Variants in FHDC1 observed in about 807,000 individuals in gnomAD.
The protein encoded by FHDC1 is FH2 domain-containing protein 1.
FHDC1 carries 25 observed loss-of-function variants against 52.6 expected under a neutral mutation model. That is an observed-to-expected ratio of 0.48 (90% CI 0.35 to 0.66). FHDC1 has a LOEUF of 0.66. Ranked by LOEUF, FHDC1 falls within the 30% of genes least tolerant of loss-of-function variation. The pLI, the probability that FHDC1 is intolerant of heterozygous loss-of-function variation, is 0.01. For missense variants in FHDC1, 1,459 were observed against 1,452.8 expected (o/e 1.00, Z -0.07); for synonymous variants, 616 against 581.5 (o/e 1.06, Z -0.85).
chr4:152,976,126 G>A lies in FHDC1; in HGVS notation c.2835G>A (p.Val945=). 1 of 1,611,380 alleles carries A rather than the reference G, an allele frequency of 6.2e-7. No homozygotes were observed. Among genetic ancestry groups the A allele is most frequent in the Middle Eastern group, 1.7e-4 (1 of 6,052 alleles). ...TDTVWSRQNS[V]RRASTGAEEQ... ...CTGTGTGGTCACGCCAGAACTCCGT[G>A]CGGAGGGCCTCCACAGGCGCCGAAG... Residue 945 remains valine, a synonymous_variant, in exon 12 of 12, where the codon GTG becomes GTA. Transcript: ENST00000511601.
chr4:152,953,549 G>A lies in FHDC1; in HGVS notation c.549G>A (p.Lys183=), dbSNP rs772187687. Residue 183 remains lysine, a synonymous_variant, in exon 3 of 12, where the codon AAG becomes AAA. Transcript: ENST00000511601. Reference sequence around the variant, plus strand: ...GCATGAACATTGGGATATTTCTTAAGCAATTTAAGAAGTAAGATTTTGCAC... The same window carrying A: ...GCATGAACATTGGGATATTTCTTAAACAATTTAAGAAGTAAGATTTTGCAC... The part of the protein sequence containing the change: ...KRSMNIGIFL[K]QFKKSPRSIV... 1.9e-6 allele frequency: 3 copies of A among 1,611,542 alleles called. No homozygotes were observed. Among genetic ancestry groups the A allele is most frequent in the South Asian group, 2.2e-5 (2 of 91,022 alleles).
the FHDC1 span, chr4:152,927,634 C>T: frequency 6.2e-7 from 1 of 1,603,312 alleles, no homozygotes; most frequent in Non-Finnish European, 8.5e-7. Flanking sequence ...AACAGAAGGA[C>T]AGGAAGCAGC....
chr4:152,972,175 C>T (rs1022208227), intron 10 of FHDC1, among the ~76,000 whole-genome samples: 2 of 152,266 alleles, frequency 1.3e-5, no homozygotes, highest in Non-Finnish European at 2.9e-5. Context: ...CACGGGACTT[C>T]ACCTTGCTTT....
chr4:152,974,662 C>T lies in FHDC1; in HGVS notation c.1384-13C>T. The stretch of plus-strand genomic sequence containing the variant: ...ATGTCTCATGCATCTTCGGGCTTCT[C>T]TCCATCCCTCAGGACAACCACGACC... On this transcript the variant is annotated splice_polypyrimidine_tract_variant and intron_variant, in intron 11 of 11. Coordinates refer to ENST00000511601, the MANE Select transcript of FHDC1 (RefSeq NM_001371116.1). The T allele has an allele frequency of 6.6e-7, 1 of 1,505,890 alleles. No homozygotes were observed. The highest frequency in any genetic ancestry group is 8.9e-7 in the Non-Finnish European group (1 of 1,127,340). The allele number at this position is 1,505,890 out of a possible 1,614,324, so 93.3% of individuals were successfully genotyped here. A position where few individuals can be genotyped will look rare whatever the true frequency, so the allele number is the denominator to read the frequency against.
chr4:152,927,771 T>G, the FHDC1 span: 1 of 1,391,666 alleles, frequency 7.2e-7, no homozygotes, highest in Non-Finnish European at 1.0e-6. Flanking sequence ...GAAGAAGAAC[T>G]GAAAGAACTG....
the FHDC1 span, among the ~76,000 whole-genome samples, chr4:152,924,162 A>G: frequency 6.6e-6 from 1 of 151,588 alleles, no homozygotes; most frequent in Non-Finnish European, 1.5e-5. Context: ...AATTTACAAG[A>G]AAAAAAAACC....
In FHDC1 at chr4:152,976,164, C is replaced by T. The variant is rs1444917660; in HGVS notation, c.2873C>T (p.Pro958Leu). The change falls in exon 12 of 12, where the codon CCG becomes CTG. Residue 958 changes from proline (P) to leucine (L), a missense_variant. Physicochemically the swap from Pro to Leu is moderately conservative, Grantham distance 98. This residue lies in a region of FHDC1 where 939 missense variants were observed against 854.5 expected (regional missense o/e 1.10). Coordinates refer to ENST00000511601, the MANE Select transcript of FHDC1 (RefSeq NM_001371116.1). ...ASTGAEEQRL[P>L]RGSSGSSSTR... ...ACAGGCGCCGAAGAGCAGAGGCTGC[C>T]GCGGGGGAGCAGCGGCTCCAGCAGC... 1.2e-6 allele frequency: 2 copies of T among 1,611,864 alleles called. No homozygotes were observed. Among genetic ancestry groups the T allele is most frequent in the Non-Finnish European group, 1.7e-6 (2 of 1,179,480 alleles).
At chr4:152,920,405 C>A in the FHDC1 span, among the ~76,000 whole-genome samples, 2 of 152,180 alleles carry the variant, frequency 1.3e-5, no homozygotes, top group East Asian at 3.9e-4. Flanking sequence ...TTGTTAAAAA[C>A]CTTGATGCCA....
the FHDC1 span, among the ~76,000 whole-genome samples, chr4:152,927,226 G>T: frequency 3.9e-5 from 6 of 152,244 alleles, no homozygotes; most frequent in African/African-American, 1.4e-4. Context: ...CTAAACGGGA[G>T]GCTCCCAGGC....
At position 152,947,817 on chromosome 4, in the gene FHDC1, A is replaced by G. The variant is rs562974056; in HGVS notation, c.498+4262A>G. ...AGAAAAAGAAGACCACAGAAGAGAG[A>G]GAGAGAGAGAGAGAGAGAAGGGAAG... On this transcript the variant is annotated intron_variant, in intron 2 of 11. Transcript: ENST00000511601. Among the ~76,000 whole-genome samples the G allele has an allele frequency of 2.7e-5, 4 of 148,912 alleles. No homozygotes were observed. In the East Asian group the frequency reaches 7.8e-4, roughly 29 times the overall value.
At chr4:152,964,123 T>C (rs1740380706) in intron 8 of FHDC1, among the ~76,000 whole-genome samples, 1 of 152,130 alleles carries the variant, frequency 6.6e-6, no homozygotes, top group South Asian at 2.1e-4. Flanking sequence ...AGAGTAGTGA[T>C]AACTTACCCC....
chr4:152,968,284 G>GC (rs1296932379), intron 10 of FHDC1, among the ~76,000 whole-genome samples, 187 bp downstream of exon 10: 1 of 151,506 alleles, frequency 6.6e-6, no homozygotes, highest in Non-Finnish European at 1.5e-5. Flanking sequence ...TGTGATCTAA[G>GC]CCTGATATAT....
intron 6 of FHDC1, among the ~76,000 whole-genome samples, chr4:152,962,307 C>A (rs1268484721): frequency 6.6e-6 from 1 of 152,110 alleles, no homozygotes. Context: ...GCGGTTTGTG[C>A]TTTGCAAGTT....
intron 9 of FHDC1, 145 bp downstream of exon 9, chr4:152,965,120 G>T: frequency 2.8e-6 from 2 of 707,430 alleles, no homozygotes; most frequent in Middle Eastern, 4.2e-4. Context: ...CTTAACACAG[G>T]TGTGTGTGCA....
intron 9 of FHDC1, 136 bp downstream of exon 9, chr4:152,965,111 T>A (rs1215950879): frequency 3.9e-6 from 3 of 777,704 alleles, no homozygotes; most frequent in African/African-American, 1.8e-5. Context: ...CTTCATTTGC[T>A]TAACACAGGT....
chr4:152,970,807 T>C (rs1442094317), intron 10 of FHDC1, among the ~76,000 whole-genome samples: 1 of 152,158 alleles, frequency 6.6e-6, no homozygotes, highest in African/African-American at 2.4e-5. Context: ...AGAAGGGCTT[T>C]TAAGGGGGAA....
chr4:152,927,648 A>G, the FHDC1 span: 1 of 1,599,814 alleles, frequency 6.3e-7, no homozygotes, highest in Non-Finnish European at 8.6e-7. Context: ...AAGCAGCAGG[A>G]GTATGAGGAA....
At chr4:152,955,040 A>G (rs1038539544) in intron 4 of FHDC1, among the ~76,000 whole-genome samples, 8 of 152,178 alleles carry the variant, frequency 5.3e-5, no homozygotes, top group Non-Finnish European at 4.4e-5. Flanking sequence ...TTCCTTTTCT[A>G]TCATCTAAAC....
intron 11 of FHDC1, among the ~76,000 whole-genome samples, chr4:152,973,447 G>A (rs1740736996): frequency 2.6e-5 from 4 of 152,248 alleles, no homozygotes. Flanking sequence ...TGGCCAAGAA[G>A]TGAGCTCAGC....
Sources: allele counts gnomAD v4.1 joint callset (sites outside exome capture counted in the v4.1 genomes callset), GRCh38; gene constraint gnomAD v4.1.1; regional missense constraint gnomAD v4.1.1; transcripts MANE v1.5; gene names NCBI Gene and HGNC (gene_info 2026-07-23, HGNC 2026-07-21).